Variants in TPCN2 observed in about 807,000 individuals in gnomAD.
TPCN2 encodes the protein two pore channel protein 2.
Under a neutral mutation model 111.4 loss-of-function variants are expected in TPCN2, and 92 were observed. That is an observed-to-expected ratio of 0.83 (90% CI 0.70 to 0.98). TPCN2 has a LOEUF of 0.98. Among genes scored for constraint, TPCN2 ranks in the 50% least tolerant of loss-of-function variants. The probability of loss-of-function intolerance (pLI) is 0.00; values close to 1 mark genes in which losing one functional copy is unlikely to be tolerated. For synonymous variants in TPCN2, 405 were observed against 414.5 expected (o/e 0.98, Z 0.28); for missense variants, 995 against 980.1 (o/e 1.02, Z -0.20).
intron 1 of TPCN2, among the ~76,000 whole-genome samples, chr11:69,049,804 G>C (rs1380325252): frequency 6.6e-6 from 1 of 152,134 alleles, no homozygotes; most frequent in East Asian, 1.9e-4. Flanking sequence ...CGCCCCCCGA[G>C]GGTGGGGTGC....
Position 69,085,984 on chromosome 11 carries a change from C to T in TPCN2, c.2003+54C>T, listed in dbSNP as rs180993310. ...ATTCTCCGTGCAGCCTGGGGGTTCCCTCACCTCCGGGCACGCTGCATCTGC... is the reference window on the plus strand; with the variant it reads ...ATTCTCCGTGCAGCCTGGGGGTTCCTTCACCTCCGGGCACGCTGCATCTGC... On this transcript the variant is annotated intron_variant, in intron 22 of 24. Coordinates refer to ENST00000294309, the MANE Select transcript of TPCN2 (RefSeq NM_139075.4). 6.3e-5 allele frequency: 98 copies of T among 1,543,610 alleles called. No individual in the cohort carries two copies. In the African/African-American group the frequency reaches 1.3e-3, roughly 20 times the overall value.
intron 19 of TPCN2, 137 bp from the exon 20 acceptor site, chr11:69,085,073 C>G: frequency 1.1e-6 from 1 of 891,014 alleles, no homozygotes; most frequent in Non-Finnish European, 1.8e-6. Flanking sequence ...GAAGTAGCAG[C>G]CAGGCTGGAA....
intron 7 of TPCN2, 78 bp from the exon 8 acceptor site, chr11:69,067,425 G>A (rs1001180809): frequency 6.8e-5 from 92 of 1,350,528 alleles, no homozygotes; most frequent in Middle Eastern, 4.0e-4. Flanking sequence ...GGTTCCAGCC[G>A]GTTGGGTCCG....
chr11:69,071,841 C>G (rs1428384633), intron 10 of TPCN2, 82 bp from the exon 11 acceptor site: 2 of 1,344,958 alleles, frequency 1.5e-6, no homozygotes, highest in Non-Finnish European at 2.1e-6. Flanking sequence ...CCCCCTCTGC[C>G]TGTTCCCCAG....
intron 1 of TPCN2, among the ~76,000 whole-genome samples, chr11:69,049,482 C>T (rs1372922460): frequency 1.3e-5 from 2 of 152,238 alleles, no homozygotes; most frequent in African/African-American, 2.4e-5. Context: ...TAATGAGGGT[C>T]GCCTAATTGA....
intron 13 of TPCN2, among the ~76,000 whole-genome samples, chr11:69,077,251 A>G (rs866028287): frequency 9.9e-4 from 32 of 32,464 alleles, no homozygotes; most frequent in African/African-American, 2.0e-3. Flanking sequence ...CCCTCCTGCC[A>G]CGTCCCTCCA....
chr11:69,086,177 G>A lies in TPCN2; in HGVS notation c.2003+247G>A, dbSNP rs1856265260. On this transcript the variant is annotated intron_variant, in intron 22 of 24. Transcript: ENST00000294309. ...TACACCTCCTGGAGGTCGTTGGTGT[G>A]TTTGGGGCTTCTGAGGAATTCCATG... 2.0e-5 allele frequency among the ~76,000 whole-genome samples: 3 copies of A among 152,232 alleles called. No homozygotes were observed. The South Asian group carries it at 6.2e-4, about 32-fold the overall frequency.
chr11:69,063,430 C>A (rs1855112505), intron 6 of TPCN2, among the ~76,000 whole-genome samples: 1 of 151,996 alleles, frequency 6.6e-6, no homozygotes, highest in Admixed American at 6.5e-5. Context: ...CTTGTTGCCA[C>A]TAGAAGCGTG....
At chr11:69,063,872 C>G (rs765590385) in intron 6 of TPCN2, 23 bp from the exon 7 acceptor site, 1 of 1,612,520 alleles carries the variant, frequency 6.2e-7, no homozygotes, top group East Asian at 2.2e-5. Flanking sequence ...CTGGCCCAGG[C>G]TGAGTGCCGT....
chr11:69,053,589 G>A (rs895302634), intron 1 of TPCN2, among the ~76,000 whole-genome samples: 5 of 152,108 alleles, frequency 3.3e-5, no homozygotes, highest in Non-Finnish European at 5.9e-5. Flanking sequence ...CCTGGGGAGC[G>A]TGGCAGGGGG....
intron 17 of TPCN2, among the ~76,000 whole-genome samples, chr11:69,080,469 C>T (rs556562125): frequency 9.8e-5 from 15 of 152,348 alleles, no homozygotes; most frequent in Non-Finnish European, 2.1e-4. Flanking sequence ...AGCCTCGTGG[C>T]ACCACAGGGC....
chr11:69,066,230 G>A (rs1855266532), intron 7 of TPCN2, among the ~76,000 whole-genome samples: 1 of 152,180 alleles, frequency 6.6e-6, no homozygotes, highest in Non-Finnish European at 1.5e-5. Context: ...CCTGGACCCA[G>A]TGCTGTGGTC....
intron 13 of TPCN2, among the ~76,000 whole-genome samples, chr11:69,075,482 A>G (rs12366137): frequency 5.9e-5 from 9 of 152,224 alleles, no homozygotes; most frequent in Non-Finnish European, 8.8e-5. Flanking sequence ...TGCTCCGTAC[A>G]GATGCTTTTT....
At chr11:69,049,752 T>A (rs552645516) in intron 1 of TPCN2, among the ~76,000 whole-genome samples, 2 of 152,286 alleles carry the variant, frequency 1.3e-5, no homozygotes, top group African/African-American at 2.4e-5. Flanking sequence ...CACTCCCTCC[T>A]GCCCTTCCCG....
intron 8 of TPCN2, among the ~76,000 whole-genome samples, chr11:69,068,300 G>A (rs917013883): frequency 4.0e-5 from 6 of 148,750 alleles, no homozygotes; most frequent in African/African-American, 9.9e-5. Flanking sequence ...GGAAGTGACC[G>A]CACTGGGAGC....
At chr11:69,065,595 T>A (rs1438580623) in intron 7 of TPCN2, among the ~76,000 whole-genome samples, 1 of 152,190 alleles carries the variant, frequency 6.6e-6, no homozygotes, top group Non-Finnish European at 1.5e-5. Context: ...CTGGCCATCA[T>A]GCCCTGCCAC....
chr11:69,053,181 G>T (rs1412866752), intron 1 of TPCN2, among the ~76,000 whole-genome samples: 7 of 152,236 alleles, frequency 4.6e-5, no homozygotes, highest in African/African-American at 1.7e-4. Flanking sequence ...CTCCTAGTCA[G>T]GAGCCACTGC....
Position 69,088,444 on chromosome 11 carries a change from G to T in TPCN2, c.*491G>T. 2 of 157,462 alleles carry T rather than the reference G, an allele frequency of 1.3e-5. No homozygotes were observed. The highest frequency in any genetic ancestry group is 1.9e-4 in the South Asian group (1 of 5,314). The allele number at this position is 157,462 out of a possible 1,614,324, so 9.8% of individuals were successfully genotyped here. A position where few individuals can be genotyped will look rare whatever the true frequency, so the allele number is the denominator to read the frequency against. On this transcript the variant is annotated 3_prime_UTR_variant, in exon 25 of 25. Transcript: ENST00000294309. ...TTCATGGCTTGTATGAGTGTGACTG[G>T]GTGTGTTTCTTTAGGGTTCTGATTG...
intron 23 of TPCN2, 81 bp downstream of exon 23, chr11:69,086,685 G>T: frequency 2.2e-6 from 3 of 1,373,626 alleles, no homozygotes; most frequent in Non-Finnish European, 2.1e-6. Context: ...GCCACCGGCC[G>T]GGCCTGCCTG....
Sources: gnomAD v4.1 joint callset for allele counts (sites outside exome capture counted in the v4.1 genomes callset) on GRCh38, gnomAD v4.1.1 for gene constraint, MANE v1.5 for transcripts, NCBI Gene and HGNC (gene_info 2026-07-23, HGNC 2026-07-21) for gene names.